Variants in PLS3 observed in about 807,000 individuals in gnomAD.
PLS3 encodes plastin-3.
PLS3 carries 11 observed loss-of-function variants against 46.5 expected under a neutral mutation model. That is an observed-to-expected ratio of 0.24 (90% confidence interval 0.15 to 0.39). The LOEUF (loss-of-function observed/expected upper bound fraction) is 0.39, where lower values mean the gene tolerates loss of function less well. Among genes scored for constraint, PLS3 ranks in the 10% least tolerant of loss-of-function variants. The pLI, the probability that PLS3 is intolerant of heterozygous loss-of-function variation, is 1.00. For synonymous variants in PLS3, 167 were observed against 162.2 expected, an observed-to-expected ratio of 1.03 and a Z score of -0.22; for missense variants, 308 against 461.8, an observed-to-expected ratio of 0.67 and a Z score of 3.05.
At chrX:115,639,591 G>A in intron 8 of PLS3, 1 of 273,240 alleles carries the variant, frequency 3.7e-6, no homozygotes, top group African/African-American at 2.8e-5. Flanking sequence ...CTGGAAGGTG[G>A]TCTTCACATA....
chrX:115,621,895 C>T (rs959921296), intron 2 of PLS3, among the ~76,000 whole-genome samples: 3 of 111,663 alleles, frequency 2.7e-5, no homozygotes, highest in Non-Finnish European at 5.6e-5. Context: ...AGAAATTGTT[C>T]TATACCATGG....
At chrX:115,576,496 G>C (rs187800253) in intron 1 of PLS3, among the ~76,000 whole-genome samples, 3 of 111,893 alleles carry the variant, frequency 2.7e-5, no homozygotes, top group Non-Finnish European at 5.6e-5. Context: ...GCTTGATCCC[G>C]TGATCACGCC....
chrX:115,600,305 T>G (rs1228742189), intron 1 of PLS3, among the ~76,000 whole-genome samples: 1 of 109,573 alleles, frequency 9.1e-6, no homozygotes, highest in African/African-American at 3.3e-5. Context: ...TTTTTTTTTT[T>G]TTTAAGAGAA....
At chrX:115,643,056 C>T (rs921158454) in intron 9 of PLS3, among the ~76,000 whole-genome samples, 4 of 111,534 alleles carry the variant, frequency 3.6e-5, no homozygotes, top group Non-Finnish European at 7.5e-5. Flanking sequence ...CAACCTTTTA[C>T]GTAACTTCTT....
chrX:115,611,466 G>GT (rs371160045), intron 2 of PLS3, among the ~76,000 whole-genome samples: 189 of 106,192 alleles, frequency 1.8e-3, no homozygotes, highest in African/African-American at 4.0e-3. Context: ...GGCTGCAAGA[G>GT]TTTTTTTTTT....
intron 1 of PLS3, among the ~76,000 whole-genome samples, chrX:115,567,345 C>T (rs782510145): frequency 9.0e-6 from 1 of 110,926 alleles, no homozygotes; most frequent in Admixed American, 9.6e-5. Context: ...ATCTGTCATC[C>T]CAACACTTTG....
At position 115,629,323 on chromosome X, in the gene PLS3, C is replaced by T. The variant is rs147957783; in HGVS notation, c.363C>T (p.Tyr121=). Residue 121 remains tyrosine (Y), a synonymous_variant, in exon 4 of 16, where the codon TAC becomes TAT. Coordinates refer to ENST00000355899, the MANE Select transcript of PLS3 (RefSeq NM_005032.7). The part of the protein sequence containing the change: ...ELSSEGTQHS[Y]SEEEKYAFVN... ...CCAGCGAAGGAACACAGCATTCTTA[C>T]TCAGGTAATCATTTTATATGCAATA... is the stretch of plus-strand genomic sequence containing the variant. 9.2e-6 allele frequency: 11 copies of T among 1,199,107 alleles called. No homozygotes were observed. Among genetic ancestry groups the T allele is most frequent in the Non-Finnish European group, 1.2e-5 (11 of 888,682 alleles).
chrX:115,621,262 G>A (rs1190620889), intron 2 of PLS3, among the ~76,000 whole-genome samples: 1 of 111,603 alleles, frequency 9.0e-6, no homozygotes, highest in East Asian at 2.8e-4. Context: ...TGATCCACCC[G>A]CCTCAGCCTC....
At chrX:115,602,573 C>A (rs782439591) in intron 1 of PLS3, among the ~76,000 whole-genome samples, 1 of 111,400 alleles carries the variant, frequency 9.0e-6, no homozygotes, top group African/African-American at 3.3e-5. Flanking sequence ...AAAAGCACTG[C>A]CTGTTTTGGA....
chrX:115,643,699 G>T (rs782315664), intron 10 of PLS3, among the ~76,000 whole-genome samples, 191 bp downstream of exon 10: 1 of 112,116 alleles, frequency 8.9e-6, no homozygotes, highest in Non-Finnish European at 1.9e-5. Flanking sequence ...GGCCGGGCAC[G>T]GTGGCTCACA....
rs1170221671 is a variant in PLS3 at position 115,630,723 on chromosome X, AAT to A, written c.500+761_500+762del. The stretch of plus-strand genomic sequence containing the variant: ...TATATGTATATATATACATATATAA[AAT>A]ATATGTGTGTATATATATTTACACA... On this transcript the variant is annotated intron_variant, in intron 5 of 15. Coordinates refer to ENST00000355899, the MANE Select transcript of PLS3 (RefSeq NM_005032.7). Among the ~76,000 whole-genome samples the A allele has an allele frequency of 2.3e-4, 22 of 97,208 alleles. No homozygotes were observed. In the South Asian group the frequency reaches 7.3e-3, roughly 32 times the overall value. 84.4% of individuals were successfully genotyped at this position (97,208 alleles called of 115,157 possible). A position where few individuals can be genotyped will look rare whatever the true frequency, so the allele number is the denominator to read the frequency against.
intron 1 of PLS3, among the ~76,000 whole-genome samples, chrX:115,588,954 C>G (rs1405064474): frequency 9.0e-6 from 1 of 111,383 alleles, no homozygotes; most frequent in South Asian, 3.8e-4. Context: ...AAATAAAGAG[C>G]TAATAAATAC....
intron 15 of PLS3, 71 bp downstream of exon 15, chrX:115,648,088 G>A: frequency 1.2e-6 from 1 of 861,881 alleles, no homozygotes; most frequent in Non-Finnish European, 1.7e-6. Context: ...TCTAATTCAG[G>A]TTCTGCCATT....
At chrX:115,647,444 A>G in intron 13 of PLS3, 106 bp from the exon 14 acceptor site, 1 of 836,989 alleles carries the variant, frequency 1.2e-6, no homozygotes, top group East Asian at 3.2e-5. Context: ...AAAAAAAAGA[A>G]GAAAAATTTA....
chrX:115,566,939 A>G (rs1361080405), intron 1 of PLS3, among the ~76,000 whole-genome samples: 1 of 112,000 alleles, frequency 8.9e-6, no homozygotes, highest in Non-Finnish European at 1.9e-5. Flanking sequence ...GGCCTCCCAG[A>G]GTGCTGGGAT....
At chrX:115,610,738 C>T in intron 2 of PLS3, 1 of 397,643 alleles carries the variant, frequency 2.5e-6, no homozygotes, top group Non-Finnish European at 4.0e-6. Context: ...GATGTTTTAC[C>T]CTTCCTTAAT....
chrX:115,603,324 C>A (rs1305221835), intron 1 of PLS3, among the ~76,000 whole-genome samples: 3 of 110,989 alleles, frequency 2.7e-5, no homozygotes, highest in African/African-American at 6.6e-5. Flanking sequence ...GTTTTACTCC[C>A]TTATTTGAAA....
intron 9 of PLS3, among the ~76,000 whole-genome samples, chrX:115,641,225 C>CTTT (rs35431475): frequency 4.9e-5 from 4 of 82,380 alleles, no homozygotes; most frequent in Non-Finnish European, 9.1e-5. Context: ...TCTTCTCTTT[C>CTTT]TTTTTTTTTT....
At chrX:115,598,880 A>G (rs782092999) in intron 1 of PLS3, among the ~76,000 whole-genome samples, 1 of 111,795 alleles carries the variant, frequency 8.9e-6, no homozygotes, top group African/African-American at 3.3e-5. Flanking sequence ...TTTAACACCA[A>G]TGTTTTAAAT....
Sources: gnomAD v4.1 joint callset for allele counts (sites outside exome capture counted in the v4.1 genomes callset) on GRCh38, gnomAD v4.1.1 for gene constraint, MANE v1.5 for transcripts, NCBI Gene and HGNC (gene_info 2026-07-23, HGNC 2026-07-21) for gene names.